The following NAALAD2 variants were observed in gnomAD, a reference collection of about 807,000 sequenced individuals.
NAALAD2 encodes the protein N-acetylated-alpha-linked acidic dipeptidase 2.
NAALAD2 carries 89 observed loss-of-function variants against 95.6 expected under a neutral mutation model. That is an observed-to-expected ratio of 0.93 (90% CI 0.78 to 1.11). The LOEUF (loss-of-function observed/expected upper bound fraction) is 1.11. Among genes scored for constraint, NAALAD2 ranks in the 50% least tolerant of loss-of-function variants. The pLI is 0.00. For synonymous variants in NAALAD2, 264 were observed against 294.4 expected (o/e 0.90, Z 1.06); for missense variants, 894 against 872.4 (o/e 1.02, Z -0.31).
chr11:90,156,500 C>T (rs774962474), intron 6 of NAALAD2, among the ~76,000 whole-genome samples: 7 of 152,020 alleles, frequency 4.6e-5, no homozygotes, highest in East Asian at 3.9e-4. Flanking sequence ...TTTTTTTCTA[C>T]GATGGATTAT....
At chr11:90,171,784 G>T (rs376473469) in intron 13 of NAALAD2, among the ~76,000 whole-genome samples, 99 of 152,288 alleles carry the variant, frequency 6.5e-4, no homozygotes, top group African/African-American at 2.2e-3. Flanking sequence ...ACAAGGCTGA[G>T]CTTGGAGAGA....
chr11:90,186,788 A>G (rs1327085721), intron 18 of NAALAD2, among the ~76,000 whole-genome samples: 2 of 145,622 alleles, frequency 1.4e-5, no homozygotes, highest in Non-Finnish European at 3.0e-5. Context: ...TGTCCAAAAC[A>G]CCAAAAGCAA....
Position 90,138,708 on chromosome 11 carries a change from A to C in NAALAD2, c.194+3038A>C, listed in dbSNP as rs576413610. ...AATTTTTCCAAGATTACTATCATGA[A>C]ACCCTTCATCCCTCAACTTTTTTTT... On this transcript the variant is annotated intron_variant, in intron 2 of 18. Transcript: ENST00000534061. Among the ~76,000 whole-genome samples, 4 of 142,856 alleles carry C rather than the reference A, an allele frequency of 2.8e-5. No individual in the cohort carries two copies. The South Asian group carries it at 6.6e-4, about 24-fold the overall frequency. The allele number at this position is 142,856 out of a possible 152,430, so 93.7% of individuals were successfully genotyped here.
At chr11:90,166,877 C>A (rs187882722) in intron 11 of NAALAD2, among the ~76,000 whole-genome samples, 1 of 151,714 alleles carries the variant, frequency 6.6e-6, no homozygotes, top group Non-Finnish European at 1.5e-5. Context: ...CCACCCGGCA[C>A]GGTGGCTCAT....
At chr11:90,135,465 T>C (rs1590948813) in intron 1 of NAALAD2, 94 bp from the exon 2 acceptor site, 3 of 699,558 alleles carry the variant, frequency 4.3e-6, no homozygotes, top group Middle Eastern at 2.6e-4. Context: ...TAAAGGCTTT[T>C]TGGGGGGAAG....
intron 8 of NAALAD2, chr11:90,162,590 G>T (rs1398417906): frequency 6.6e-6 from 1 of 151,628 alleles, no homozygotes; most frequent in Non-Finnish European, 1.5e-5. Flanking sequence ...AATTAACTGG[G>T]GTATATTTTT....
intron 8 of NAALAD2, 147 bp downstream of exon 8, chr11:90,159,484 A>G (rs1218639392): frequency 1.8e-6 from 1 of 567,784 alleles, no homozygotes; most frequent in African/African-American, 1.9e-5. Context: ...GTACTTACAC[A>G]TGAAATATTG....
At chr11:90,154,281 G>C (rs1951969676) in intron 6 of NAALAD2, among the ~76,000 whole-genome samples, 1 of 151,784 alleles carries the variant, frequency 6.6e-6, no homozygotes, top group Non-Finnish European at 1.5e-5. Context: ...TTAGCTCTAG[G>C]TTTTTTATAC....
chr11:90,172,511 C>T (rs1393047472), intron 13 of NAALAD2, among the ~76,000 whole-genome samples: 2 of 152,098 alleles, frequency 1.3e-5, no homozygotes, highest in Non-Finnish European at 2.9e-5. Flanking sequence ...AAATCATGTG[C>T]CAATACCCAA....
chr11:90,152,399 T>A lies in NAALAD2; in HGVS notation c.711T>A (p.Asn237Lys). ...PEVQPYPKGW[N>K]LPGTAAQRGN... ...TACAGCCATATCCCAAAGGATGGAA[T>A]CTTCCTGGAACTGCAGCCCAGAGAG... Residue 237 changes from asparagine (N) to lysine (K), a missense_variant, in exon 6 of 19, where the codon AAT becomes AAA. Physicochemically the swap from Asn to Lys is moderately conservative, Grantham distance 94. Transcript: ENST00000534061. The A allele has an allele frequency of 6.2e-7, 1 of 1,613,936 alleles. No individual in the cohort carries two copies. Among genetic ancestry groups the A allele is most frequent in the Non-Finnish European group, 8.5e-7 (1 of 1,179,892 alleles).
intron 2 of NAALAD2, among the ~76,000 whole-genome samples, chr11:90,137,302 C>T (rs1951474499): frequency 6.6e-6 from 1 of 151,766 alleles, no homozygotes; most frequent in Non-Finnish European, 1.5e-5. Context: ...TTACATAGCA[C>T]AATAGGGCAA....
At chr11:90,139,595 C>T (rs552077603) in intron 2 of NAALAD2, among the ~76,000 whole-genome samples, 2 of 152,228 alleles carry the variant, frequency 1.3e-5, no homozygotes, top group South Asian at 4.1e-4. Context: ...TTAAGTTAAA[C>T]TTCTTTCTAA....
At chr11:90,135,197 C>T (rs1413127502) in intron 1 of NAALAD2, 1 of 300,694 alleles carries the variant, frequency 3.3e-6, no homozygotes. Context: ...CAAAGCAAAA[C>T]GAAACAAAGC....
chr11:90,139,534 G>A (rs766715222), intron 2 of NAALAD2, among the ~76,000 whole-genome samples: 2 of 152,098 alleles, frequency 1.3e-5, no homozygotes, highest in Non-Finnish European at 2.9e-5. Flanking sequence ...CTGAAGACTT[G>A]TCTACTGCCT....
At chr11:90,182,740 A>G (rs1246691032) in intron 17 of NAALAD2, among the ~76,000 whole-genome samples, 176 bp from the exon 18 acceptor site, 1 of 152,186 alleles carries the variant, frequency 6.6e-6, no homozygotes, top group African/African-American at 2.4e-5. Context: ...AATATTAGAA[A>G]GATGACTCTG....
intron 2 of NAALAD2, among the ~76,000 whole-genome samples, chr11:90,143,738 T>C (rs1234723859): frequency 1.3e-5 from 2 of 152,218 alleles, no homozygotes; most frequent in Non-Finnish European, 2.9e-5. Flanking sequence ...CCCTGACTTA[T>C]GATGGTTTGA....
At position 90,178,031 on chromosome 11, in the gene NAALAD2, CAGA is replaced by C. The variant is rs1457325168; in HGVS notation, c.1775_1777del (p.Glu592del). On this transcript the variant is annotated inframe_deletion, in exon 16 of 19. Coordinates refer to ENST00000534061, the MANE Select transcript of NAALAD2 (RefSeq NM_005467.4). The stretch of plus-strand genomic sequence containing the variant: ...ATTCCTTTTAATATTCAAGACTATG[CAGA>C]AGCTTTGAAAAACTATGCAGCAAGT... 6.2e-7 allele frequency: 1 copy of C among 1,613,682 alleles called. No individual in the cohort carries two copies. Among genetic ancestry groups the C allele is most frequent in the African/African-American group, 1.3e-5 (1 of 74,878 alleles).
At chr11:90,157,485 A>G (rs1294495319) in intron 6 of NAALAD2, among the ~76,000 whole-genome samples, 2 of 151,942 alleles carry the variant, frequency 1.3e-5, no homozygotes, top group Non-Finnish European at 1.5e-5. Flanking sequence ...TTTTTTTTCC[A>G]ATTATTTATA....
chr11:90,183,046 C>A, intron 18 of NAALAD2, 38 bp downstream of exon 18: 1 of 1,466,288 alleles, frequency 6.8e-7, no homozygotes, highest in Non-Finnish European at 9.5e-7. Flanking sequence ...TCACTGTGAC[C>A]AAAACCAGCA....
Sources: allele counts gnomAD v4.1 joint callset (sites outside exome capture counted in the v4.1 genomes callset), GRCh38; gene constraint gnomAD v4.1.1; transcripts MANE v1.5; gene names NCBI Gene and HGNC (gene_info 2026-07-23, HGNC 2026-07-21).